The following FAM168A variants were observed in gnomAD, a reference collection of about 807,000 sequenced individuals.
FAM168A encodes family with sequence similarity 168 member A.
In FAM168A, 3 loss-of-function variants were observed where a neutral mutation model predicts 28.5. That is an observed-to-expected ratio of 0.11 (90% CI 0.05 to 0.27). The LOEUF (loss-of-function observed/expected upper bound fraction) is 0.27, where lower values mean the gene tolerates loss of function less well. Ranked by LOEUF, FAM168A falls within the 10% of genes least tolerant of loss-of-function variation. The pLI, the probability that FAM168A is intolerant of heterozygous loss-of-function variation, is 1.00. For synonymous variants in FAM168A, 122 were observed against 124.2 expected (o/e 0.98, Z 0.12); for missense variants, 222 against 311.5 (o/e 0.71, Z 2.16).
intron 1 of FAM168A, among the ~76,000 whole-genome samples, chr11:73,489,511 T>C (rs1455964749): frequency 8.1e-6 from 1 of 123,276 alleles, no homozygotes; most frequent in Non-Finnish European, 1.6e-5. Flanking sequence ...CATCCCCCAC[T>C]TTTTTTTTTT....
chr11:73,565,616 T>C (rs189602928), intron 1 of FAM168A, among the ~76,000 whole-genome samples: 1 of 145,838 alleles, frequency 6.9e-6, no homozygotes, highest in Non-Finnish European at 1.5e-5. Context: ...CTTGGTCAAA[T>C]TGTAAAGCAT....
At chr11:73,467,780 G>A (rs1867758371) in intron 2 of FAM168A, among the ~76,000 whole-genome samples, 1 of 152,176 alleles carries the variant, frequency 6.6e-6, no homozygotes, top group Non-Finnish European at 1.5e-5. Context: ...AGCTCCATGA[G>A]CTAGTAGGGT....
At chr11:73,559,307 T>C (rs1377913371) in intron 1 of FAM168A, among the ~76,000 whole-genome samples, 4 of 152,064 alleles carry the variant, frequency 2.6e-5, no homozygotes, top group African/African-American at 9.7e-5. Flanking sequence ...CTCGGGAGGC[T>C]GAGGCAGGAG....
At chr11:73,513,383 T>G (rs973021276) in intron 1 of FAM168A, among the ~76,000 whole-genome samples, 11 of 151,140 alleles carry the variant, frequency 7.3e-5, no homozygotes, top group Non-Finnish European at 1.0e-4. Flanking sequence ...CTAATTTTTT[T>G]TTTTTTGTAT....
chr11:73,556,787 A>G (rs1405781291), intron 1 of FAM168A, among the ~76,000 whole-genome samples: 2 of 152,064 alleles, frequency 1.3e-5, no homozygotes, highest in East Asian at 3.8e-4. Flanking sequence ...TTGGAAGGCC[A>G]AGGCAGGAGG....
chr11:73,504,725 T>TG (rs1447205664), intron 1 of FAM168A, among the ~76,000 whole-genome samples: 1 of 152,118 alleles, frequency 6.6e-6, no homozygotes, highest in Non-Finnish European at 1.5e-5. Flanking sequence ...GCAGCACTAC[T>TG]GTTACAATAG....
chr11:73,429,019 C>A (rs1389497427), intron 3 of FAM168A, among the ~76,000 whole-genome samples: 1 of 152,120 alleles, frequency 6.6e-6, no homozygotes, highest in Admixed American at 6.5e-5. Context: ...AAAACAGGGG[C>A]TGTCTGATAA....
chr11:73,410,091 T>TAA (rs754308676), intron 5 of FAM168A, among the ~76,000 whole-genome samples: 1 of 143,952 alleles, frequency 6.9e-6, no homozygotes, highest in South Asian at 2.2e-4. Flanking sequence ...GTGCATGTTG[T>TAA]AAAAAAAAAA....
intron 2 of FAM168A, 108 bp downstream of exon 2, chr11:73,468,297 A>C (rs1867766381): frequency 9.7e-7 from 1 of 1,034,936 alleles, no homozygotes; most frequent in Non-Finnish European, 1.4e-6. Flanking sequence ...GCATGTTCCC[A>C]AACTTTCCCA....
intron 1 of FAM168A, among the ~76,000 whole-genome samples, chr11:73,574,208 T>C (rs1944143337): frequency 6.6e-6 from 1 of 152,224 alleles, no homozygotes; most frequent in Admixed American, 6.5e-5. Flanking sequence ...CTGGCATTTT[T>C]CCAATTTAAA....
chr11:73,452,770 G>T (rs2134549424), intron 2 of FAM168A, among the ~76,000 whole-genome samples: 2 of 146,804 alleles, frequency 1.4e-5, no homozygotes, highest in Admixed American at 6.7e-5. Context: ...ATTTTTGGAT[G>T]AAAGTTGAAA....
intron 4 of FAM168A, among the ~76,000 whole-genome samples, chr11:73,412,471 A>G (rs543897666): frequency 6.6e-6 from 1 of 152,348 alleles, no homozygotes; most frequent in South Asian, 2.1e-4. Context: ...ATCCTCCGGA[A>G]AAGAGTGACA....
At chr11:73,488,271 C>T (rs1868081504) in intron 1 of FAM168A, among the ~76,000 whole-genome samples, 1 of 151,896 alleles carries the variant, frequency 6.6e-6, no homozygotes, top group Non-Finnish European at 1.5e-5. Context: ...GCTGGGATTA[C>T]AGGCGCCTGC....
chr11:73,582,801 A>G (rs1196082687), intron 1 of FAM168A, among the ~76,000 whole-genome samples: 4 of 152,232 alleles, frequency 2.6e-5, no homozygotes, highest in African/African-American at 7.2e-5. Flanking sequence ...TACCAATGTG[A>G]TCTGCATTCA....
chr11:73,417,660 C>T (rs1866719203), intron 4 of FAM168A, among the ~76,000 whole-genome samples: 1 of 151,050 alleles, frequency 6.6e-6, no homozygotes, highest in Non-Finnish European at 1.5e-5. Flanking sequence ...TCTGGGTTCA[C>T]ACCATTCTCC....
At chr11:73,454,122 C>G (rs1867484285) in intron 2 of FAM168A, among the ~76,000 whole-genome samples, 1 of 152,118 alleles carries the variant, frequency 6.6e-6, no homozygotes, top group Non-Finnish European at 1.5e-5. Flanking sequence ...ACTGAGCTCA[C>G]CTCATCTTAA....
chr11:73,447,271 G>C (rs1349137257), intron 2 of FAM168A, among the ~76,000 whole-genome samples: 1 of 151,942 alleles, frequency 6.6e-6, no homozygotes, highest in African/African-American at 2.4e-5. Context: ...AAATATTGCT[G>C]GGCATGGTGC....
chr11:73,495,589 T>C (rs981738028), intron 1 of FAM168A, among the ~76,000 whole-genome samples: 1 of 152,156 alleles, frequency 6.6e-6, no homozygotes, highest in African/African-American at 2.4e-5. Flanking sequence ...GTTTTACAAC[T>C]AATACAATTT....
At position 73,571,294 on chromosome 11, in the gene FAM168A, G is replaced by C. The variant is rs866139254; in HGVS notation, c.-19+26629C>G. Among the ~76,000 whole-genome samples, 820 of 131,020 alleles carry C rather than the reference G, an allele frequency of 6.3e-3. 7 individuals carry two copies. The highest frequency in any genetic ancestry group is 0.022 in the African/African-American group (774 of 35,074). The allele number at this position is 131,020 out of a possible 152,430, so 86.0% of individuals were successfully genotyped here. On this transcript the variant is annotated intron_variant, in intron 1 of 7. Coordinates refer to ENST00000356467, the MANE Select transcript of FAM168A (RefSeq NM_015159.3). ...CTTTCCACGGTCTCCCTCTGATGCCGAGCCGAAGCTGGACTGTACTGCTGC... is the reference window on the plus strand; with the variant it reads ...CTTTCCACGGTCTCCCTCTGATGCCCAGCCGAAGCTGGACTGTACTGCTGC...
Sources: gnomAD v4.1 joint callset for allele counts (sites outside exome capture counted in the v4.1 genomes callset) on GRCh38, gnomAD v4.1.1 for gene constraint, MANE v1.5 for transcripts, NCBI Gene and HGNC (gene_info 2026-07-23, HGNC 2026-07-21) for gene names.